SPRY3: variants seen among roughly 807,000 people sequenced by gnomAD.
The protein encoded by SPRY3 is sprouty RTK signaling antagonist 3.
Under a neutral mutation model 20.2 loss-of-function variants are expected in SPRY3, and 15 were observed. That is an observed-to-expected ratio of 0.74 (90% CI 0.50 to 1.14). The LOEUF (loss-of-function observed/expected upper bound fraction) is 1.14, where lower values mean the gene tolerates loss of function less well. Ranked by LOEUF, SPRY3 falls within the 50% of genes most tolerant of loss-of-function variation. The pLI, the probability that SPRY3 is intolerant of heterozygous loss-of-function variation, is 0.00. For synonymous variants in SPRY3, 143 were observed against 136.5 expected (o/e 1.05, Z -0.33); for missense variants, 364 against 363.9 (o/e 1.00, Z 0.00).
At position 155,677,910 on chromosome X, in the gene SPRY3, T is replaced by C. The variant is rs187238865; in HGVS notation, c.-282+20885T>C. On this transcript the variant is annotated intron_variant, in intron 2 of 3. Transcript: ENST00000675360. The stretch of plus-strand genomic sequence containing the variant: ...ATGAAATAGTCTTTCACTACCCCCA[T>C]TGACAGACTGAAATGCCTACTGTGT... Among the ~76,000 whole-genome samples, 25 of 111,514 alleles carry C rather than the reference T, an allele frequency of 2.2e-4. No individual in the cohort carries two copies. In the Admixed American group the frequency reaches 2.4e-3, roughly 11 times the overall value.
intron 2 of SPRY3, among the ~76,000 whole-genome samples, chrX:155,695,803 C>A (rs747078864): frequency 7.2e-5 from 8 of 110,666 alleles, no homozygotes; most frequent in Non-Finnish European, 1.1e-4. Context: ...CCAAAATTTT[C>A]TTTTTTGTGT....
At chrX:155,673,070 T>TG (rs2068047684) in intron 2 of SPRY3, among the ~76,000 whole-genome samples, 3 of 12,669 alleles carry the variant, frequency 2.4e-4, no homozygotes, top group African/African-American at 4.1e-4. Flanking sequence ...TGTTGTGGGG[T>TG]GGGGTGAGGG....
At chrX:155,741,813 C>G (rs1335489684) in intron 2 of SPRY3, among the ~76,000 whole-genome samples, 1 of 152,104 alleles carries the variant, frequency 6.6e-6, no homozygotes, top group Non-Finnish European at 1.5e-5. Context: ...TTTATCACCA[C>G]CAGGCCTCCC....
intron 2 of SPRY3, among the ~76,000 whole-genome samples, chrX:155,678,544 C>T (rs1427749510): frequency 9.0e-6 from 1 of 111,629 alleles, no homozygotes; most frequent in Non-Finnish European, 1.9e-5. Context: ...TTCGCCAGAG[C>T]TCCCAAATCA....
chrX:155,689,977 A>T lies in SPRY3; in HGVS notation c.-282+32952A>T, dbSNP rs185980785. On this transcript the variant is annotated intron_variant, in intron 2 of 3. Transcript: ENST00000675360. ...TTTAGTGCTATAAATTTTCCTTTTA[A>T]CACTGCCTTAGCTGTGTTCCAGAGA... Among the ~76,000 whole-genome samples, 86 of 87,792 alleles carry T rather than the reference A, an allele frequency of 9.8e-4. 7 individuals carry two copies. The highest frequency in any genetic ancestry group is 2.3e-3 in the East Asian group (7 of 3,002). 76.2% of individuals were successfully genotyped at this position (87,792 alleles called of 115,157 possible).
intron 2 of SPRY3, among the ~76,000 whole-genome samples, chrX:155,754,708 C>T (rs748109338): frequency 1.3e-5 from 2 of 152,062 alleles, no homozygotes; most frequent in Admixed American, 1.3e-4. Context: ...AATATTAAAT[C>T]TTTCAATCTA....
intron 2 of SPRY3, among the ~76,000 whole-genome samples, chrX:155,724,869 G>A: frequency 6.6e-6 from 1 of 152,246 alleles, no homozygotes; most frequent in Non-Finnish European, 1.5e-5. Flanking sequence ...AGTAGGAGTG[G>A]TGAGAGAGGG....
intron 2 of SPRY3, among the ~76,000 whole-genome samples, chrX:155,658,393 A>T (rs1309269546): frequency 9.0e-6 from 1 of 111,636 alleles, no homozygotes; most frequent in African/African-American, 3.3e-5. Context: ...CTTTGTAAGG[A>T]TGTTTTACCT....
intron 2 of SPRY3, among the ~76,000 whole-genome samples, chrX:155,763,949 C>G (rs2091314391): frequency 6.6e-6 from 1 of 152,158 alleles, no homozygotes; most frequent in South Asian, 2.1e-4. Flanking sequence ...GTATTTTATT[C>G]ATTACAAAAT....
At chrX:155,769,903 G>A (rs1216917364) in intron 3 of SPRY3, among the ~76,000 whole-genome samples, 3 of 152,142 alleles carry the variant, frequency 2.0e-5, no homozygotes, top group Non-Finnish European at 4.4e-5. Context: ...ATTTGTAAGG[G>A]GGGAGTGCTT....
chrX:155,753,747 C>T (rs377344050), intron 2 of SPRY3, among the ~76,000 whole-genome samples: 3 of 152,006 alleles, frequency 2.0e-5, no homozygotes, highest in African/African-American at 7.2e-5. Context: ...CACATCCTCA[C>T]TACCACGTGT....
chrX:155,633,303 G>C (rs1052897626), intron 1 of SPRY3, among the ~76,000 whole-genome samples: 5 of 103,567 alleles, frequency 4.8e-5, no homozygotes, highest in Non-Finnish European at 7.9e-5. Flanking sequence ...CACTTTGGGA[G>C]GCCGAGGCGG....
chrX:155,677,203 G>T (rs1415689989), intron 2 of SPRY3, among the ~76,000 whole-genome samples: 1 of 111,610 alleles, frequency 9.0e-6, no homozygotes, highest in Non-Finnish European at 1.9e-5. Flanking sequence ...TCAGTAAAAA[G>T]ATACTGATGC....
At chrX:155,782,217 C>T (rs1026573293) in exon 2 of SPRY3, 1 of 166,954 alleles carries the variant, frequency 6.0e-6, no homozygotes. Flanking sequence ...AGGAAAGGGG[C>T]TTTCTGACTT....
chrX:155,734,385 A>C (rs763467078), intron 2 of SPRY3, among the ~76,000 whole-genome samples: 1 of 152,176 alleles, frequency 6.6e-6, no homozygotes, highest in African/African-American at 2.4e-5. Context: ...AACATTGATC[A>C]GTTAACTTTG....
chrX:155,698,383 T>G (rs1234306872), intron 2 of SPRY3, among the ~76,000 whole-genome samples: 1 of 111,555 alleles, frequency 9.0e-6, no homozygotes, highest in Non-Finnish European at 1.9e-5. Flanking sequence ...TAATTGGCAG[T>G]GTCTACCACA....
At chrX:155,655,215 A>AT (rs1317898091) in intron 1 of SPRY3, among the ~76,000 whole-genome samples, 4 of 109,826 alleles carry the variant, frequency 3.6e-5, no homozygotes, top group South Asian at 3.9e-4. Context: ...GTTATTTGGG[A>AT]TTTTTTTCTT....
chrX:155,740,952 C>T (rs1224435640), intron 2 of SPRY3, among the ~76,000 whole-genome samples: 1 of 152,152 alleles, frequency 6.6e-6, no homozygotes, highest in Admixed American at 6.6e-5. Context: ...TCTGTTTGTA[C>T]TCTTTCTCTT....
At chrX:155,716,326 T>C (rs1199178807) in intron 2 of SPRY3, among the ~76,000 whole-genome samples, 2 of 152,188 alleles carry the variant, frequency 1.3e-5, no homozygotes, top group Admixed American at 1.3e-4. Flanking sequence ...TTTTGTTCTT[T>C]ATGTTTTATT....
Sources: gnomAD v4.1 joint callset for allele counts (sites outside exome capture counted in the v4.1 genomes callset) on GRCh38, gnomAD v4.1.1 for gene constraint, MANE v1.5 for transcripts, NCBI Gene and HGNC (gene_info 2026-07-23, HGNC 2026-07-21) for gene names.